The following YWHAE variants were observed in gnomAD, a reference collection of about 807,000 sequenced individuals.
The protein encoded by YWHAE is 14-3-3 protein epsilon.
YWHAE carries 4 observed loss-of-function variants against 30.1 expected under a neutral mutation model. The ratio of observed to expected loss-of-function variants is 0.13; its 90% CI spans 0.07 to 0.30. The LOEUF (loss-of-function observed/expected upper bound fraction) is 0.30, where lower values mean the gene tolerates loss of function less well. YWHAE is among the 10% of genes least tolerant of loss of function. YWHAE has a pLI of 1.00. For synonymous variants in YWHAE, 118 were observed against 111.8 expected (o/e 1.06, Z -0.35); for missense variants, 121 against 315.9 (o/e 0.38, Z 4.68).
chr17:1,361,884 T>G lies in YWHAE; in HGVS notation c.371+18A>C, dbSNP rs1365500725. 3 of 1,532,376 alleles carry G rather than the reference T, an allele frequency of 2.0e-6. No individual in the cohort carries two copies. Among genetic ancestry groups the G allele is most frequent in the Non-Finnish European group, 2.6e-6 (3 of 1,132,298 alleles). The allele number at this position is 1,532,376 out of a possible 1,614,324, so 94.9% of individuals were successfully genotyped here. On this transcript the variant is annotated intron_variant, in intron 3 of 5. Coordinates refer to ENST00000264335, the MANE Select transcript of YWHAE (RefSeq NM_006761.5). ...CCAACTTTCAATCTTACATTTTCCC[T>G]TCTAGTATAGAACCTACATTTTATA...
intron 5 of YWHAE, among the ~76,000 whole-genome samples, chr17:1,352,759 G>A (rs189418288): frequency 4.3e-4 from 66 of 152,088 alleles, no homozygotes; most frequent in Admixed American, 1.3e-3. Context: ...TCTCCTGACC[G>A]CGTGATCCAC....
In YWHAE at chr17:1,345,499, C is replaced by A. The variant is rs940399152; in HGVS notation, c.716G>T (p.Gly239Val). ...CAGCGCTTCTTTATTCTGCTCTTCA[C>A]CTGTTAAAAAAGAAAAAAAGTCAAT... Reference protein sequence around the residue: ...TLWTSDMQGDGEEQNKEALQD... With the variant: ...TLWTSDMQGDVEEQNKEALQD... The change falls in exon 6 of 6, where the codon GGT (glycine) becomes GTT (valine). Residue 239 changes from glycine to valine, a missense_variant and splice_region_variant. Physicochemically the swap from Gly to Val is moderately radical, Grantham distance 109. Coordinates refer to ENST00000264335, the MANE Select transcript of YWHAE (RefSeq NM_006761.5). The A allele has an allele frequency of 3.7e-6, 6 of 1,613,564 alleles. No homozygotes were observed. The highest frequency in any genetic ancestry group is 1.7e-5 in the Admixed American group (1 of 59,958).
chr17:1,345,095 C>A lies in YWHAE; in HGVS notation c.*352G>T. ...ACCTCTCTCTTAGATGCTTGCATCA[C>A]CTATAAGTCTAATGGCTTTCAAATG... On this transcript the variant is annotated 3_prime_UTR_variant, in exon 6 of 6. Transcript: ENST00000264335. 1 of 331,814 alleles carries A rather than the reference C, an allele frequency of 3.0e-6. No individual in the cohort carries two copies. The highest frequency in any genetic ancestry group is 4.8e-5 in the East Asian group (1 of 20,748). 20.6% of individuals were successfully genotyped at this position (331,814 alleles called of 1,614,324 possible). A position where few individuals can be genotyped will look rare whatever the true frequency, so the allele number is the denominator to read the frequency against.
chr17:1,398,188 C>A (rs1296600175), intron 1 of YWHAE, among the ~76,000 whole-genome samples: 1 of 152,072 alleles, frequency 6.6e-6, no homozygotes, highest in African/African-American at 2.4e-5. Context: ...TGTTTCCTCC[C>A]AAGAACACTA....
chr17:1,389,866 A>C (rs920854622), intron 1 of YWHAE, among the ~76,000 whole-genome samples: 3 of 134,600 alleles, frequency 2.2e-5, no homozygotes, highest in Non-Finnish European at 4.8e-5. Flanking sequence ...TTTTTGAGAC[A>C]GAGTTTTGCT....
chr17:1,349,272 G>A (rs991950820), intron 5 of YWHAE, among the ~76,000 whole-genome samples: 6 of 152,134 alleles, frequency 3.9e-5, no homozygotes, highest in Non-Finnish European at 7.3e-5. Context: ...AACCCGGGAG[G>A]TGGAAGCTGC....
intron 1 of YWHAE, among the ~76,000 whole-genome samples, chr17:1,372,212 C>T (rs952664714): frequency 6.6e-6 from 1 of 152,232 alleles, no homozygotes; most frequent in Admixed American, 6.5e-5. Context: ...TAGGTTCCAG[C>T]TTTCTATCTG....
At position 1,345,415 on chromosome 17, in the gene YWHAE, G is replaced by T. The variant is rs200675311; in HGVS notation, c.*32C>A. The stretch of plus-strand genomic sequence containing the variant: ...AGGGTGGGATGGGGAGGAGGGGGTG[G>T]TCAGAGATGGTTTCTCTTGTTGGCT... On this transcript the variant is annotated 3_prime_UTR_variant, in exon 6 of 6. Transcript: ENST00000264335. The T allele has an allele frequency of 7.1e-5, 115 of 1,612,328 alleles. No individual in the cohort carries two copies. The highest frequency in any genetic ancestry group is 9.8e-5 in the Non-Finnish European group (115 of 1,178,512).
intron 1 of YWHAE, among the ~76,000 whole-genome samples, chr17:1,370,407 AG>A (rs2073019891): frequency 6.6e-6 from 1 of 151,784 alleles, no homozygotes. Context: ...CTGGGATTAC[AG>A]GCGTGAGCCA....
At chr17:1,357,587 A>T (rs978977552) in intron 4 of YWHAE, among the ~76,000 whole-genome samples, 2 of 151,904 alleles carry the variant, frequency 1.3e-5, no homozygotes, top group Non-Finnish European at 2.9e-5. Context: ...CAAAATAAAA[A>T]AAAAAAGCAA....
chr17:1,398,429 T>C (rs1032503025), intron 1 of YWHAE, among the ~76,000 whole-genome samples: 2 of 151,218 alleles, frequency 1.3e-5, no homozygotes, highest in African/African-American at 4.8e-5. Flanking sequence ...ATATGAGTTC[T>C]AGAGGCCTTG....
In YWHAE at chr17:1,388,370, G is replaced by T. The variant is rs564489395; in HGVS notation, c.64+11677C>A. 1.6e-4 allele frequency among the ~76,000 whole-genome samples: 24 copies of T among 151,696 alleles called. No individual in the cohort carries two copies. In the South Asian group the frequency reaches 5.0e-3, roughly 32 times the overall value. On this transcript the variant is annotated intron_variant, in intron 1 of 5. Coordinates refer to ENST00000264335, the MANE Select transcript of YWHAE (RefSeq NM_006761.5). ...TCTCTACTAAAAATACAAAAAATGAGCCGGGCGTGGTGGCAGGCGCCTGTA... is the reference window on the plus strand; with the variant it reads ...TCTCTACTAAAAATACAAAAAATGATCCGGGCGTGGTGGCAGGCGCCTGTA...
At chr17:1,364,768 G>A in intron 2 of YWHAE, 91 bp downstream of exon 2, 2 of 1,377,176 alleles carry the variant, frequency 1.5e-6, no homozygotes, top group African/African-American at 1.4e-5. Context: ...TTATATGAAT[G>A]TAGTCTCCTT....
intron 1 of YWHAE, among the ~76,000 whole-genome samples, chr17:1,394,436 C>CAAAAAAAAAAAAAAAA (rs544115909): frequency 5.5e-4 from 32 of 58,544 alleles, no homozygotes; most frequent in African/African-American, 1.6e-3. Context: ...CTCAAATCCA[C>CAAAAAAAAAAAAAAAA]AAAAAAAAAA....
intron 1 of YWHAE, among the ~76,000 whole-genome samples, chr17:1,394,201 C>T (rs1215672278): frequency 6.6e-6 from 1 of 152,128 alleles, no homozygotes; most frequent in African/African-American, 2.4e-5. Flanking sequence ...CTCAAACTCA[C>T]TTTCTTGAAC....
chr17:1,357,200 G>C (rs943519873), intron 4 of YWHAE, among the ~76,000 whole-genome samples: 1 of 151,648 alleles, frequency 6.6e-6, no homozygotes, highest in Non-Finnish European at 1.5e-5. Flanking sequence ...TCAGGAGATC[G>C]AGACCATCCT....
At chr17:1,364,768 G>C in intron 2 of YWHAE, 91 bp downstream of exon 2, 1 of 1,377,176 alleles carries the variant, frequency 7.3e-7, no homozygotes, top group Non-Finnish European at 1.0e-6. Flanking sequence ...TTATATGAAT[G>C]TAGTCTCCTT....
intron 1 of YWHAE, chr17:1,369,780 A>AT (rs1385220635): frequency 7.9e-5 from 12 of 152,202 alleles, no homozygotes; most frequent in African/African-American, 2.9e-4. Flanking sequence ...AGTCACATGA[A>AT]TTTTTGTGTT....
chr17:1,369,978 G>A (rs929324855), intron 1 of YWHAE, among the ~76,000 whole-genome samples: 2 of 152,160 alleles, frequency 1.3e-5, no homozygotes, highest in Non-Finnish European at 2.9e-5. Context: ...GATGGCTACT[G>A]ACTGCTTAGG....
Sources: gnomAD v4.1 joint callset for allele counts (sites outside exome capture counted in the v4.1 genomes callset) on GRCh38, gnomAD v4.1.1 for gene constraint, MANE v1.5 for transcripts, NCBI Gene and HGNC (gene_info 2026-07-23, HGNC 2026-07-21) for gene names.